The following SLC44A1 variants were observed in gnomAD, a reference collection of about 807,000 sequenced individuals.
SLC44A1 encodes the protein choline transporter-like protein 1.
In SLC44A1, 26 loss-of-function variants were observed where a neutral mutation model predicts 79.3. That is an observed-to-expected ratio of 0.33 (90% CI 0.24 to 0.46). SLC44A1 has a LOEUF of 0.46. SLC44A1 is among the 20% of genes least tolerant of loss of function. The pLI is 1.00. For missense variants in SLC44A1, 688 were observed against 798.1 expected, an observed-to-expected ratio of 0.86 and a Z score of 1.66; for synonymous variants, 263 against 286.2, an observed-to-expected ratio of 0.92 and a Z score of 0.82.
In SLC44A1 at chr9:105,393,217, A is replaced by G; in HGVS notation, c.*4161A>G. ...TGCCTTTTGCTTTAAATGCATATTC[A>G]TGTATCTTTGTGTGCTAAGAATGCA... On this transcript the variant is annotated 3_prime_UTR_variant, in exon 16 of 16. Coordinates refer to ENST00000374720, the MANE Select transcript of SLC44A1 (RefSeq NM_080546.5). The G allele has an allele frequency of 2.0e-6, 2 of 985,456 alleles. No individual in the cohort carries two copies. The highest frequency in any genetic ancestry group is 2.4e-6 in the Non-Finnish European group (2 of 829,920). 61.0% of individuals were successfully genotyped at this position (985,456 alleles called of 1,614,324 possible).
chr9:105,297,684 T>C lies in SLC44A1; in HGVS notation c.37-1536T>C, dbSNP rs996312759. On this transcript the variant is annotated intron_variant, in intron 1 of 15. Coordinates refer to ENST00000374720, the MANE Select transcript of SLC44A1 (RefSeq NM_080546.5). ...GGCATGAGCCACCATGCCTGGCCTG[T>C]GCTTACATATTAAGAAAAGAATCTG... Among the ~76,000 whole-genome samples the C allele has an allele frequency of 3.9e-5, 6 of 152,158 alleles. No homozygotes were observed. In the East Asian group the frequency reaches 9.6e-4, roughly 24 times the overall value.
chr9:105,345,287 A>G (rs957481022), intron 4 of SLC44A1, among the ~76,000 whole-genome samples: 1 of 152,186 alleles, frequency 6.6e-6, no homozygotes, highest in African/African-American at 2.4e-5. Flanking sequence ...TGGTATAGGA[A>G]AACAGTAGAT....
At chr9:105,313,040 G>C (rs2131315588) in intron 3 of SLC44A1, among the ~76,000 whole-genome samples, 1 of 152,218 alleles carries the variant, frequency 6.6e-6, no homozygotes, top group Non-Finnish European at 1.5e-5. Context: ...TCCTCCCACT[G>C]TTCCTCAGTG....
Position 105,329,606 on chromosome 9 carries a change from T to G in SLC44A1, c.270-5957T>G, listed in dbSNP as rs570763924. Reference sequence around the variant, plus strand: ...CAGGGTATCACTGTTCCGTGGCCATTTGAGTACGTGTTGCCTAATGGAAGA... The same window carrying G: ...CAGGGTATCACTGTTCCGTGGCCATGTGAGTACGTGTTGCCTAATGGAAGA... On this transcript the variant is annotated intron_variant, in intron 3 of 15. Transcript: ENST00000374720. Among the ~76,000 whole-genome samples the G allele has an allele frequency of 3.5e-4, 54 of 152,234 alleles. No individual in the cohort carries two copies. The Middle Eastern group carries it at 0.014, about 38-fold the overall frequency.
intron 1 of SLC44A1, among the ~76,000 whole-genome samples, chr9:105,286,858 G>A (rs12343233): frequency 2.0e-5 from 3 of 152,182 alleles, no homozygotes; most frequent in Non-Finnish European, 4.4e-5. Flanking sequence ...TAACTACTCA[G>A]GAGGCTAAGG....
At position 105,364,619 on chromosome 9, in the gene SLC44A1, G is replaced by A. The variant is rs1354429617; in HGVS notation, c.1152G>A (p.Met384Ile). 6.2e-7 allele frequency: 1 copy of A among 1,613,956 alleles called. No homozygotes were observed. Among genetic ancestry groups the A allele is most frequent in the Non-Finnish European group, 8.5e-7 (1 of 1,179,918 alleles). Residue 384 changes from methionine to isoleucine, a missense_variant, in exon 10 of 16, where the codon ATG becomes ATA. By Grantham distance (10) the Met-to-Ile change is conservative (BLOSUM62 1). Transcript: ENST00000374720. ...EFKISGPLQYMWWYHVVGLIW... is the reference protein window; with the variant it reads ...EFKISGPLQYIWWYHVVGLIW... ...AAATTTCTGGGCCTCTGCAGTACAT[G>A]TGGTGGTACCATGTGGTGGGCCTGA...
At chr9:105,430,079 T>A (rs1409527858) in intron 15 of SLC44A1, among the ~76,000 whole-genome samples, 1 of 152,074 alleles carries the variant, frequency 6.6e-6, no homozygotes, top group Non-Finnish European at 1.5e-5. Flanking sequence ...GGCGAATTTT[T>A]AAATTTTTTG....
At chr9:105,293,928 G>T (rs1830660518) in intron 1 of SLC44A1, among the ~76,000 whole-genome samples, 1 of 152,166 alleles carries the variant, frequency 6.6e-6, no homozygotes. Flanking sequence ...TTCTCTAAGA[G>T]ATACCATGGA....
rs1828874817 is a variant in SLC44A1 at position 105,396,370 on chromosome 9, AG to A, written c.*7315del. 1 of 985,364 alleles carries A rather than the reference AG, an allele frequency of 1.0e-6. No homozygotes were observed. Among genetic ancestry groups the A allele is most frequent in the Admixed American group, 6.1e-5 (1 of 16,272 alleles). 61.0% of individuals were successfully genotyped at this position (985,364 alleles called of 1,614,324 possible). On this transcript the variant is annotated 3_prime_UTR_variant, in exon 16 of 16. Transcript: ENST00000374720. ...AGGGAGAAAAGTGTGAAGGGCATCAAGCAAAATGACAGGGGCTTCAAAAAAC... is the reference window on the plus strand; with the variant it reads ...AGGGAGAAAAGTGTGAAGGGCATCAACAAAATGACAGGGGCTTCAAAAAAC...
intron 15 of SLC44A1, among the ~76,000 whole-genome samples, chr9:105,407,966 A>G (rs908988430): frequency 5.3e-5 from 8 of 152,108 alleles, no homozygotes; most frequent in Admixed American, 1.3e-4. Context: ...CAGGAGTTGG[A>G]GACCAGCCTG....
chr9:105,400,617 T>C (rs1828946372), downstream of SLC44A1, among the ~76,000 whole-genome samples: 1 of 152,254 alleles, frequency 6.6e-6, no homozygotes, highest in Admixed American at 6.5e-5. Flanking sequence ...GTCTTTGACA[T>C]TAAAGACACC....
chr9:105,383,090 T>A, intron 13 of SLC44A1, 33 bp from the exon 14 acceptor site: 6 of 1,461,136 alleles, frequency 4.1e-6, no homozygotes, highest in Non-Finnish European at 5.8e-6. Context: ...TTCAGTAGGA[T>A]ATTAAATATG....
chr9:105,351,663 AAAG>A (rs1475063225), intron 5 of SLC44A1, among the ~76,000 whole-genome samples: 1 of 150,960 alleles, frequency 6.6e-6, no homozygotes, highest in African/African-American at 2.4e-5. Context: ...AGAAAGAAAG[AAAG>A]AAAGAAAGAA....
chr9:105,383,496 A>G, intron 14 of SLC44A1, 137 bp downstream of exon 14: 1 of 632,650 alleles, frequency 1.6e-6, no homozygotes, highest in Non-Finnish European at 2.8e-6. Context: ...CTGACTCATA[A>G]ATGAGGTTAA....
chr9:105,364,455 T>C, intron 9 of SLC44A1, 100 bp from the exon 10 acceptor site: 4 of 901,202 alleles, frequency 4.4e-6, no homozygotes, highest in Non-Finnish European at 6.8e-6. Context: ...ATCAGAAGGT[T>C]TGTGGCTTGG....
intron 1 of SLC44A1, among the ~76,000 whole-genome samples, chr9:105,281,697 G>A (rs1044848546): frequency 6.6e-6 from 1 of 152,130 alleles, no homozygotes; most frequent in African/African-American, 2.4e-5. Flanking sequence ...TGGTCATTTC[G>A]TAACCCAGGC....
intron 1 of SLC44A1, among the ~76,000 whole-genome samples, chr9:105,253,004 T>C (rs1048302639): frequency 6.6e-5 from 10 of 152,252 alleles, no homozygotes; most frequent in Admixed American, 1.3e-4. Flanking sequence ...TCCTTTGTAA[T>C]TGTATAATAT....
At chr9:105,267,354 G>T (rs763319323) in intron 1 of SLC44A1, among the ~76,000 whole-genome samples, 2 of 152,078 alleles carry the variant, frequency 1.3e-5, no homozygotes, top group Non-Finnish European at 2.9e-5. Flanking sequence ...TATCCATTAT[G>T]CTGGATACAG....
At chr9:105,263,168 G>T (rs535330392) in intron 1 of SLC44A1, among the ~76,000 whole-genome samples, 2 of 152,298 alleles carry the variant, frequency 1.3e-5, no homozygotes, top group Admixed American at 6.5e-5. Context: ...CATACTCTAC[G>T]TGGATTTTGT....
Sources: gnomAD v4.1 joint callset for allele counts (sites outside exome capture counted in the v4.1 genomes callset) on GRCh38, gnomAD v4.1.1 for gene constraint, MANE v1.5 for transcripts, NCBI Gene and HGNC (gene_info 2026-07-23, HGNC 2026-07-21) for gene names.